FOXP2: variants seen among roughly 807,000 people sequenced by gnomAD.
The protein encoded by FOXP2 is forkhead box protein P2.
Under a neutral mutation model 115.8 loss-of-function variants are expected in FOXP2, and 12 were observed. The ratio of observed to expected loss-of-function variants is 0.10; its 90% confidence interval spans 0.07 to 0.17. The LOEUF (loss-of-function observed/expected upper bound fraction) is 0.17. Among genes scored for constraint, FOXP2 ranks in the 10% least tolerant of loss-of-function variants. The pLI is 1.00. For synonymous variants in FOXP2, 328 were observed against 297.7 expected (o/e 1.10, Z -1.05); for missense variants, 629 against 843.5 (o/e 0.75, Z 3.15).
intron 1 of FOXP2, among the ~76,000 whole-genome samples, chr7:114,276,523 G>A (rs1264202239): frequency 2.0e-5 from 3 of 152,004 alleles, no homozygotes; most frequent in African/African-American, 7.3e-5. Context: ...TTGAAGTGAT[G>A]TTTCTTTGAT....
intron 3 of FOXP2, among the ~76,000 whole-genome samples, chr7:114,554,439 C>T (rs1486560626): frequency 2.6e-5 from 4 of 152,090 alleles, no homozygotes; most frequent in African/African-American, 4.8e-5. Context: ...GCTAATGAAA[C>T]TTGGTTCTGC....
chr7:114,100,754 A>G (rs904397927), intron 1 of FOXP2, among the ~76,000 whole-genome samples: 2 of 152,134 alleles, frequency 1.3e-5, no homozygotes, highest in Non-Finnish European at 2.9e-5. Context: ...TTTGGGTGTG[A>G]TTGTTTAGCT....
At position 114,664,351 on chromosome 7, in the gene FOXP2, G is replaced by A; in HGVS notation, c.1918G>A (p.Ala640Thr). ...INNASSGLLQ[A>T]VHEDLNGSLD... ...TAATGCATCCAGTGGCCTACTGCAG[G>A]CCGTCCACGAAGACCTCAATGGTTC... is the stretch of plus-strand genomic sequence containing the variant. The change falls in exon 16 of 17, where the codon GCC (alanine) becomes ACC (threonine). Residue 640 changes from alanine to threonine, a missense_variant. Coordinates refer to ENST00000350908, the MANE Select transcript of FOXP2 (RefSeq NM_014491.4). 6.2e-7 allele frequency: 1 copy of A among 1,613,612 alleles called. No homozygotes were observed.
chr7:114,689,125 A>G (rs1287877117), intron 16 of FOXP2, among the ~76,000 whole-genome samples: 1 of 152,204 alleles, frequency 6.6e-6, no homozygotes, highest in African/African-American at 2.4e-5. Context: ...TTAAGTTTCT[A>G]TAATTATATT....
upstream of FOXP2, among the ~76,000 whole-genome samples, chr7:114,161,465 T>G (rs769924436): frequency 2.6e-5 from 4 of 152,126 alleles, no homozygotes; most frequent in African/African-American, 4.8e-5. Flanking sequence ...CCCACATATA[T>G]TTTACTTTTT....
At chr7:114,150,565 T>C (rs1792503655) in intron 1 of FOXP2, among the ~76,000 whole-genome samples, 1 of 152,076 alleles carries the variant, frequency 6.6e-6, no homozygotes, top group Non-Finnish European at 1.5e-5. Flanking sequence ...TTTATTATTA[T>C]TGTTTTTGCT....
intron 3 of FOXP2, among the ~76,000 whole-genome samples, chr7:114,544,141 C>T (rs1799809570): frequency 6.6e-6 from 1 of 152,090 alleles, no homozygotes; most frequent in African/African-American, 2.4e-5. Context: ...AGTCATGAGC[C>T]ACAGCACCCA....
Position 114,663,434 on chromosome 7 carries a change from A to T in FOXP2, c.1770-16A>T, listed in dbSNP as rs774018063. On this transcript the variant is annotated splice_polypyrimidine_tract_variant and intron_variant, in intron 14 of 16. Transcript: ENST00000350908. ...ATTTTGACGTATAAATGATCTTTAT[A>T]TATTTTTTTTTTCAGAAGTCCAACC... is the stretch of plus-strand genomic sequence containing the variant. 1 of 1,508,972 alleles carries T rather than the reference A, an allele frequency of 6.6e-7. No homozygotes were observed. Among genetic ancestry groups the T allele is most frequent in the East Asian group, 2.3e-5 (1 of 44,280 alleles). The allele number at this position is 1,508,972 out of a possible 1,614,324, so 93.5% of individuals were successfully genotyped here. A position where few individuals can be genotyped will look rare whatever the true frequency, so the allele number is the denominator to read the frequency against.
chr7:114,441,977 T>C lies in FOXP2; in HGVS notation c.168+15298T>C, dbSNP rs185399738. Among the ~76,000 whole-genome samples the C allele has an allele frequency of 1.5e-3, 235 of 152,292 alleles. 2 individuals carry two copies. Among genetic ancestry groups the C allele is most frequent in the African/African-American group, 5.2e-3 (217 of 41,566 alleles). ...TATCTTAACAATTAAGCCTCCACTA[T>C]GTTACTCAGTAATTATAATCCTATG... On this transcript the variant is annotated intron_variant, in intron 2 of 16. Transcript: ENST00000350908.
chr7:114,392,807 C>A (rs1179039999), intron 2 of FOXP2, among the ~76,000 whole-genome samples: 2 of 152,150 alleles, frequency 1.3e-5, no homozygotes, highest in Admixed American at 1.3e-4. Context: ...TTAGTAAGTG[C>A]CTACTTTTGA....
At chr7:114,431,975 C>T (rs1021042568) in intron 2 of FOXP2, among the ~76,000 whole-genome samples, 2 of 151,912 alleles carry the variant, frequency 1.3e-5, no homozygotes, top group Non-Finnish European at 2.9e-5. Flanking sequence ...CTTGCATTAA[C>T]TGGCTAGCTA....
intron 1 of FOXP2, among the ~76,000 whole-genome samples, chr7:114,260,648 GC>G (rs1795725142): frequency 6.6e-6 from 1 of 151,828 alleles, no homozygotes; most frequent in African/African-American, 2.4e-5. Flanking sequence ...AGAAAAAAAC[GC>G]ATGAACAACT....
In FOXP2 at chr7:114,629,903, A is replaced by G. The variant is rs752789124; in HGVS notation, c.495A>G (p.Gln165=). 5 of 1,610,970 alleles carry G rather than the reference A, an allele frequency of 3.1e-6. No individual in the cohort carries two copies. The highest frequency in any genetic ancestry group is 2.2e-5 in the South Asian group (2 of 90,886). The change falls in exon 5 of 17, where the codon CAA becomes CAG. Residue 165 remains glutamine, a synonymous_variant. Transcript: ENST00000350908. ...QQQQQQQQQQ[Q]QQQQQQQQQQ... The stretch of plus-strand genomic sequence containing the variant: ...AGCAGCAGCAGCAACAACAGCAGCA[A>G]CAACAGCAGCAGCAACAACAACAAC...
rs1388703134 is a variant in FOXP2, at chr7:114,693,573, A to C, written c.*3647A>C. On this transcript the variant is annotated 3_prime_UTR_variant, in exon 17 of 17. Transcript: ENST00000350908. Reference sequence around the variant, plus strand: ...TGTTATTTCACTAGTTCAGGTTGCAACGAAAGGTTTTTTTGTCCATGAACA... The same window carrying C: ...TGTTATTTCACTAGTTCAGGTTGCACCGAAAGGTTTTTTTGTCCATGAACA... 4 of 453,178 alleles carry C rather than the reference A, an allele frequency of 8.8e-6. No homozygotes were observed. Among genetic ancestry groups the C allele is most frequent in the African/African-American group, 6.0e-5 (3 of 49,948 alleles). 28.1% of individuals were successfully genotyped at this position (453,178 alleles called of 1,614,324 possible).
chr7:114,506,113 A>G (rs758293068), intron 2 of FOXP2, among the ~76,000 whole-genome samples: 1 of 151,720 alleles, frequency 6.6e-6, no homozygotes, highest in Non-Finnish European at 1.5e-5. Context: ...CTCAATAAAT[A>G]CTTGCTTAGT....
rs114022372 is a variant in FOXP2 at position 114,275,685 on chromosome 7, C to G, written c.-101-12334C>G. Among the ~76,000 whole-genome samples the G allele has an allele frequency of 1.3e-3, 202 of 152,246 alleles. 1 individual carries two copies. Among genetic ancestry groups the G allele is most frequent in the African/African-American group, 4.7e-3 (194 of 41,542 alleles). ...GGTCTGATAATTCCAATATACCTGC[C>G]ATGTCTGATTCAGGTGTCCTTTCAA... is the stretch of plus-strand genomic sequence containing the variant. On this transcript the variant is annotated intron_variant, in intron 1 of 17. Transcript: ENST00000634411.
chr7:114,203,424 C>T (rs1301157966), intron 1 of FOXP2, among the ~76,000 whole-genome samples: 1 of 152,150 alleles, frequency 6.6e-6, no homozygotes, highest in Non-Finnish European at 1.5e-5. Context: ...CTTCTGTCTC[C>T]AGGACTCAAG....
chr7:114,167,471 C>G (rs1049717768), intron 1 of FOXP2, among the ~76,000 whole-genome samples: 1 of 152,100 alleles, frequency 6.6e-6, no homozygotes, highest in Non-Finnish European at 1.5e-5. Flanking sequence ...TCTATTGGTG[C>G]CACTGATATG....
intron 1 of FOXP2, among the ~76,000 whole-genome samples, chr7:114,145,447 T>TTTTCTTTTCC: frequency 1.1e-5 from 1 of 95,190 alleles, no homozygotes; most frequent in South Asian, 4.0e-4. Flanking sequence ...TTTTCTTTTC[T>TTTTCTTTTCC]TTTCTTTTCT....
Sources: gnomAD v4.1 joint callset for allele counts (sites outside exome capture counted in the v4.1 genomes callset) on GRCh38, gnomAD v4.1.1 for gene constraint, MANE v1.5 for transcripts, NCBI Gene and HGNC (gene_info 2026-07-23, HGNC 2026-07-21) for gene names.